OPHN1: variants seen among roughly 807,000 people sequenced by gnomAD.
The protein encoded by OPHN1 is oligophrenin-1.
Under a neutral mutation model 60.7 loss-of-function variants are expected in OPHN1, and 11 were observed. The ratio of observed to expected loss-of-function variants is 0.18; its 90% CI spans 0.11 to 0.30. The LOEUF (loss-of-function observed/expected upper bound fraction) is 0.30. Ranked by LOEUF, OPHN1 falls within the 10% of genes least tolerant of loss-of-function variation. OPHN1 has a pLI of 1.00. For synonymous variants in OPHN1, 226 were observed against 222.6 expected, an observed-to-expected ratio of 1.02 and a Z score of -0.14; for missense variants, 449 against 611.0, an observed-to-expected ratio of 0.73 and a Z score of 2.80.
chrX:68,145,021 T>A (rs1424646536), intron 15 of OPHN1, among the ~76,000 whole-genome samples: 2 of 111,559 alleles, frequency 1.8e-5, no homozygotes, highest in African/African-American at 6.5e-5. Flanking sequence ...AGGACAGTAC[T>A]GAGGAAAGTC....
intron 15 of OPHN1, among the ~76,000 whole-genome samples, chrX:68,163,633 C>T (rs1276261316): frequency 9.0e-6 from 1 of 111,350 alleles, no homozygotes; most frequent in East Asian, 2.8e-4. Flanking sequence ...TATGGTCATT[C>T]TATTTTTAAT....
At chrX:68,219,235 C>T in intron 6 of OPHN1, among the ~76,000 whole-genome samples, 1 of 79,618 alleles carries the variant, frequency 1.3e-5, no homozygotes. Context: ...GCTAACTATC[C>T]TAAATATATA....
intron 2 of OPHN1, among the ~76,000 whole-genome samples, chrX:68,304,271 C>T (rs1247717122): frequency 4.5e-5 from 5 of 110,514 alleles, no homozygotes; most frequent in Non-Finnish European, 3.8e-5. Flanking sequence ...CATGATTATA[C>T]CATTTTGCAT....
intron 19 of OPHN1, among the ~76,000 whole-genome samples, chrX:68,080,721 G>A (rs1434961677): frequency 8.0e-5 from 9 of 112,038 alleles, no homozygotes; most frequent in African/African-American, 2.3e-4. Flanking sequence ...GCAGAAGTAT[G>A]TCATTGATCT....
chrX:68,403,208 C>A (rs977275896), intron 2 of OPHN1, among the ~76,000 whole-genome samples: 2 of 112,308 alleles, frequency 1.8e-5, no homozygotes, highest in African/African-American at 6.5e-5. Context: ...CAGACTCCAG[C>A]AAGACACTTG....
intron 15 of OPHN1, among the ~76,000 whole-genome samples, chrX:68,136,291 C>CTTTTTTTTT (rs779712280): frequency 2.4e-3 from 153 of 64,064 alleles, no homozygotes; most frequent in African/African-American, 9.6e-3. Flanking sequence ...AATATCTTTT[C>CTTTTTTTTT]TTTTTTTTTT....
chrX:68,131,368 A>C (rs1018032290), intron 15 of OPHN1, among the ~76,000 whole-genome samples: 4 of 109,532 alleles, frequency 3.7e-5, no homozygotes, highest in Admixed American at 2.9e-4. Flanking sequence ...ACAGGTGCCC[A>C]CCACACCCCA....
At chrX:68,077,372 C>A (rs2076957395) in intron 19 of OPHN1, among the ~76,000 whole-genome samples, 1 of 110,997 alleles carries the variant, frequency 9.0e-6, no homozygotes, top group South Asian at 3.8e-4. Flanking sequence ...CACATACACA[C>A]ACTGATATCT....
intron 15 of OPHN1, chrX:68,132,829 C>G (rs182019678): frequency 3.4e-5 from 8 of 238,143 alleles, no homozygotes; most frequent in African/African-American, 2.0e-4. Context: ...GCCGCACTTA[C>G]CCGAGTCCGC....
At chrX:68,178,341 T>G (rs956608374) in intron 15 of OPHN1, among the ~76,000 whole-genome samples, 2 of 112,089 alleles carry the variant, frequency 1.8e-5, no homozygotes, top group East Asian at 5.6e-4. Context: ...ATTAAACACT[T>G]CATTCCAAAT....
At chrX:68,213,226 C>T (rs891357472) in intron 7 of OPHN1, among the ~76,000 whole-genome samples, 1 of 111,063 alleles carries the variant, frequency 9.0e-6, no homozygotes, top group Non-Finnish European at 1.9e-5. Context: ...AAAATATTAG[C>T]TCGGTATGGA....
chrX:68,367,828 C>G (rs1413127712), intron 2 of OPHN1, among the ~76,000 whole-genome samples: 1 of 111,144 alleles, frequency 9.0e-6, no homozygotes, highest in Non-Finnish European at 1.9e-5. Flanking sequence ...GGCACTCATT[C>G]TCTCTCTTGC....
intron 2 of OPHN1, among the ~76,000 whole-genome samples, chrX:68,308,356 T>G (rs927119960): frequency 4.5e-5 from 5 of 111,595 alleles, no homozygotes; most frequent in African/African-American, 9.8e-5. Flanking sequence ...TTTGGGAGGC[T>G]GAGGCAGGCA....
At chrX:68,133,390 A>AT in intron 15 of OPHN1, 1 of 798,318 alleles carries the variant, frequency 1.3e-6, no homozygotes, top group Admixed American at 2.2e-5. Flanking sequence ...AAATTCACAC[A>AT]TGATCAGATT....
intron 15 of OPHN1, among the ~76,000 whole-genome samples, chrX:68,155,107 C>T (rs748524644): frequency 9.0e-6 from 1 of 110,687 alleles, no homozygotes; most frequent in South Asian, 3.9e-4. Flanking sequence ...CCAAGAAAAG[C>T]AAATATAATG....
chrX:68,375,496 T>C (rs1258700233), intron 2 of OPHN1, among the ~76,000 whole-genome samples: 1 of 111,788 alleles, frequency 8.9e-6, no homozygotes, highest in East Asian at 2.8e-4. Context: ...AAACTTCCTT[T>C]ATTTGAATAT....
intron 2 of OPHN1, among the ~76,000 whole-genome samples, chrX:68,405,302 C>G (rs1272803235): frequency 9.0e-6 from 1 of 111,381 alleles, no homozygotes; most frequent in Non-Finnish European, 1.9e-5. Context: ...CACCTGGGCT[C>G]AAGTGAGCCT....
chrX:68,109,001 T>C (rs2147425029), intron 18 of OPHN1, among the ~76,000 whole-genome samples: 1 of 111,790 alleles, frequency 8.9e-6, no homozygotes, highest in African/African-American at 3.2e-5. Context: ...ATAATACATT[T>C]ATTGAAATAT....
chrX:68,182,261 C>A, intron 15 of OPHN1, among the ~76,000 whole-genome samples: 1 of 98,887 alleles, frequency 1.0e-5, no homozygotes, highest in East Asian at 3.2e-4. Context: ...AACCAATACC[C>A]ACTGAGGGGG....
Sources: allele counts gnomAD v4.1 joint callset (sites outside exome capture counted in the v4.1 genomes callset), GRCh38; gene constraint gnomAD v4.1.1; transcripts MANE v1.5; gene names NCBI Gene and HGNC (gene_info 2026-07-23, HGNC 2026-07-21).